POLR3B: variants seen among roughly 807,000 people sequenced by gnomAD.
POLR3B encodes the protein RNA polymerase III subunit B.
In POLR3B, 96 loss-of-function variants were observed where a neutral mutation model predicts 147.4. The ratio of observed to expected loss-of-function variants is 0.65; its 90% CI spans 0.55 to 0.77. The LOEUF (loss-of-function observed/expected upper bound fraction) is 0.77. Ranked by LOEUF, POLR3B falls within the 30% of genes least tolerant of loss-of-function variation. The pLI is 0.00. For missense variants in POLR3B, 1,036 were observed against 1,413.5 expected, an observed-to-expected ratio of 0.73 and a Z score of 4.28; for synonymous variants, 461 against 485.9, an observed-to-expected ratio of 0.95 and a Z score of 0.67.
At chr12:106,393,774 A>T (rs2036946456) in intron 10 of POLR3B, among the ~76,000 whole-genome samples, 1 of 135,040 alleles carries the variant, frequency 7.4e-6, no homozygotes, top group Admixed American at 7.0e-5. Context: ...AAATACACAC[A>T]CACACACACA....
At chr12:106,457,555 GA>G (rs2037880377) in intron 21 of POLR3B, among the ~76,000 whole-genome samples, 1 of 152,090 alleles carries the variant, frequency 6.6e-6, no homozygotes, top group African/African-American at 2.4e-5. Context: ...CCACTTTAAG[GA>G]AATATTTAGA....
intron 22 of POLR3B, among the ~76,000 whole-genome samples, chr12:106,460,790 T>A (rs992295717): frequency 6.6e-6 from 1 of 152,208 alleles, no homozygotes; most frequent in South Asian, 2.1e-4. Flanking sequence ...CCTCCCATAT[T>A]TTCAACCTGT....
intron 23 of POLR3B, among the ~76,000 whole-genome samples, chr12:106,491,890 A>C (rs192242684): frequency 6.6e-6 from 1 of 152,290 alleles, no homozygotes; most frequent in Non-Finnish European, 1.5e-5. Flanking sequence ...AGAGGGGTAA[A>C]TTTAATTCAA....
At position 106,477,891 on chromosome 12, in the gene POLR3B, C is replaced by CTTTTTTTTT. The variant is rs34915594; in HGVS notation, c.2713+14293_2713+14301dup. 7.8e-4 allele frequency among the ~76,000 whole-genome samples: 55 copies of CTTTTTTTTT among 70,544 alleles called. 7 individuals are homozygous for CTTTTTTTTT. The highest frequency in any genetic ancestry group is 2.0e-3 in the African/African-American group (37 of 18,114). 46.3% of individuals were successfully genotyped at this position (70,544 alleles called of 152,430 possible). ...CTATTCGGCCATCTTGGCTCCTCCCCTTTTTTTTTTTTTTTTTTTTTTTTT... is the reference window on the plus strand; with the variant it reads ...CTATTCGGCCATCTTGGCTCCTCCCCTTTTTTTTTTTTTTTTTTTTTTTTTTTTTTTTTT... On this transcript the variant is annotated intron_variant, in intron 23 of 27. Coordinates refer to ENST00000228347, the MANE Select transcript of POLR3B (RefSeq NM_018082.6).
chr12:106,490,972 G>A (rs1326309823), intron 23 of POLR3B, among the ~76,000 whole-genome samples: 1 of 152,156 alleles, frequency 6.6e-6, no homozygotes, highest in African/African-American at 2.4e-5. Context: ...TAAATGACCT[G>A]CACAACCCAG....
At chr12:106,429,513 TA>T (rs1391727445) in intron 13 of POLR3B, among the ~76,000 whole-genome samples, 1 of 152,200 alleles carries the variant, frequency 6.6e-6, no homozygotes, top group African/African-American at 2.4e-5. Flanking sequence ...CAAAAATTTC[TA>T]ATCTTAATCT....
chr12:106,389,108 A>G lies in POLR3B; in HGVS notation c.724-3923A>G, dbSNP rs79071649. Among the ~76,000 whole-genome samples, 1,043 of 152,322 alleles carry G rather than the reference A, an allele frequency of 6.8e-3. 18 individuals are homozygous for G. Among genetic ancestry groups the G allele is most frequent in the African/African-American group, 0.024 (1,001 of 41,580 alleles). ...ATATAAAGCCAGTTTTCAGATGTCT[A>G]AATTATGTCTTTAAAGTAAAATAGT... is the stretch of plus-strand genomic sequence containing the variant. On this transcript the variant is annotated intron_variant, in intron 9 of 27. Coordinates refer to ENST00000228347, the MANE Select transcript of POLR3B (RefSeq NM_018082.6).
At chr12:106,421,420 C>T (rs184422715) in intron 12 of POLR3B, among the ~76,000 whole-genome samples, 2 of 152,222 alleles carry the variant, frequency 1.3e-5, no homozygotes, top group Admixed American at 6.5e-5. Flanking sequence ...TGATGAGCTC[C>T]GTCCCATGAC....
At chr12:106,471,865 C>CTT (rs557095732) in intron 23 of POLR3B, among the ~76,000 whole-genome samples, 1 of 143,600 alleles carries the variant, frequency 7.0e-6, no homozygotes, top group Non-Finnish European at 1.5e-5. Context: ...CAAAGCAGTG[C>CTT]TTTTTTTTTT....
intron 19 of POLR3B, among the ~76,000 whole-genome samples, chr12:106,450,457 A>G (rs2137023528): frequency 6.6e-6 from 1 of 152,218 alleles, no homozygotes; most frequent in East Asian, 1.9e-4. Context: ...CAATACATAT[A>G]TCTGATAAAG....
At position 106,463,085 on chromosome 12, in the gene POLR3B, T is replaced by G. The variant is rs376775605; in HGVS notation, c.2571-393T>G. On this transcript the variant is annotated intron_variant, in intron 22 of 27. Coordinates refer to ENST00000228347, the MANE Select transcript of POLR3B (RefSeq NM_018082.6). The stretch of plus-strand genomic sequence containing the variant: ...TTGTTATGTGAAAAAAATTAATAAT[T>G]GAAAAGCTGAGTAAGTAAAAGTGCT... 2.0e-5 allele frequency among the ~76,000 whole-genome samples: 3 copies of G among 152,264 alleles called. No homozygotes were observed. The South Asian group carries it at 6.2e-4, about 32-fold the overall frequency.
In POLR3B at chr12:106,405,777, A is replaced by T. The variant is rs541742617; in HGVS notation, c.847-80A>T. ...ACCAGGGTCTTTATCTCTTTCGCTC[A>T]TACTGTACATGTGGTTAGGTGCTTG... On this transcript the variant is annotated intron_variant, in intron 10 of 27. Coordinates refer to ENST00000228347, the MANE Select transcript of POLR3B (RefSeq NM_018082.6). The T allele has an allele frequency of 3.9e-5, 53 of 1,372,746 alleles. 1 individual carries two copies. In the South Asian group the frequency reaches 6.2e-4, roughly 16 times the overall value. 85.0% of individuals were successfully genotyped at this position (1,372,746 alleles called of 1,614,324 possible).
chr12:106,415,818 A>G (rs1426603114), intron 12 of POLR3B, among the ~76,000 whole-genome samples: 1 of 152,224 alleles, frequency 6.6e-6, no homozygotes, highest in African/African-American at 2.4e-5. Context: ...AATTTTAAAC[A>G]AAAAGATTTG....
At chr12:106,452,704 G>GC (rs1416608089) in intron 19 of POLR3B, among the ~76,000 whole-genome samples, 1 of 152,130 alleles carries the variant, frequency 6.6e-6, no homozygotes, top group Non-Finnish European at 1.5e-5. Context: ...GTGATCTATT[G>GC]CCAGGTATCC....
At chr12:106,496,434 A>G (rs2038487169) in intron 24 of POLR3B, 1 of 604,492 alleles carries the variant, frequency 1.7e-6, no homozygotes, top group Admixed American at 2.9e-5. Flanking sequence ...CTTGTCTTGA[A>G]CCTAAATGGA....
chr12:106,369,209 A>G, intron 4 of POLR3B, 66 bp from the exon 5 acceptor site: 2 of 856,354 alleles, frequency 2.3e-6, no homozygotes, highest in South Asian at 1.3e-5. Flanking sequence ...TTGGAAGGAA[A>G]ATAGCTTGTT....
At chr12:106,373,983 A>G (rs1207219086) in intron 6 of POLR3B, among the ~76,000 whole-genome samples, 1 of 152,052 alleles carries the variant, frequency 6.6e-6, no homozygotes, top group African/African-American at 2.4e-5. Flanking sequence ...TTTTTGGATA[A>G]TGGAAGATTT....
chr12:106,410,826 G>A lies in POLR3B; in HGVS notation c.967G>A (p.Val323Ile). 1.2e-6 allele frequency: 2 copies of A among 1,613,690 alleles called. No homozygotes were observed. ...TTTTTCTCCAATTTCTGACTTACAG[G>A]TTAAGGAATTCAATTTCCGAGCCAA... Reference protein sequence around the residue: ...LASTILTHVPVKEFNFRAKCI... With the variant: ...LASTILTHVPIKEFNFRAKCI... The change falls in exon 12 of 28, where the codon GTT becomes ATT. Residue 323 changes from valine to isoleucine, a missense_variant and splice_region_variant. Around this residue, in one of 12 missense-constraint regions of POLR3B, gnomAD observed 217 missense variants for 288.7 expected, o/e 0.75. Transcript: ENST00000228347.
chr12:106,394,956 A>G (rs1255796032), intron 10 of POLR3B, among the ~76,000 whole-genome samples: 2 of 152,238 alleles, frequency 1.3e-5, no homozygotes, highest in Non-Finnish European at 2.9e-5. Flanking sequence ...TGAATATTCT[A>G]TGCTATTCAA....
Sources: gnomAD v4.1 joint callset for allele counts (sites outside exome capture counted in the v4.1 genomes callset) on GRCh38, gnomAD v4.1.1 for gene constraint, gnomAD v4.1.1 regional missense constraint, MANE v1.5 for transcripts, NCBI Gene and HGNC (gene_info 2026-07-23, HGNC 2026-07-21) for gene names.